CYSTM1: variants seen among roughly 807,000 people sequenced by gnomAD.
CYSTM1 encodes cysteine rich transmembrane module containing 1.
CYSTM1 carries 4 observed loss-of-function variants against 13.1 expected under a neutral mutation model. The ratio of observed to expected loss-of-function variants is 0.31; its 90% confidence interval spans 0.15 to 0.70. The LOEUF is 0.70. Among genes scored for constraint, CYSTM1 ranks in the 30% least tolerant of loss-of-function variants. CYSTM1 has a pLI of 0.72. For missense variants in CYSTM1, 96 were observed against 121.6 expected, an observed-to-expected ratio of 0.79 and a Z score of 0.99; for synonymous variants, 36 against 42.7, an observed-to-expected ratio of 0.84 and a Z score of 0.62.
At position 140,219,127 on chromosome 5, in the gene CYSTM1, G is replaced by A. The variant is rs781313585; in HGVS notation, c.188-24178G>A. 5.3e-5 allele frequency among the ~76,000 whole-genome samples: 8 copies of A among 152,048 alleles called. No homozygotes were observed. Among genetic ancestry groups the A allele is most frequent in the African/African-American group, 7.2e-5 (3 of 41,400 alleles). Reference sequence around the variant, plus strand: ...CAGGGCCAGAGTCCTAGTTACAGTCGTACAAGCCAGGCCACCACTTCTGTC... The same window carrying A: ...CAGGGCCAGAGTCCTAGTTACAGTCATACAAGCCAGGCCACCACTTCTGTC... On this transcript the variant is annotated intron_variant, in intron 2 of 2. Transcript: ENST00000261811. The surrounding 1 kb of genome is among the most constrained non-coding windows in gnomAD (Gnocchi z 4.1).
At chr5:140,224,894 G>T (rs1266239747) in intron 2 of CYSTM1, among the ~76,000 whole-genome samples, 1 of 152,168 alleles carries the variant, frequency 6.6e-6, no homozygotes. Flanking sequence ...CTTCAAGATG[G>T]TGTCATACCA....
At chr5:140,222,506 AT>A (rs1764503621) in intron 2 of CYSTM1, among the ~76,000 whole-genome samples, 1 of 152,180 alleles carries the variant, frequency 6.6e-6, no homozygotes, top group Non-Finnish European at 1.5e-5. Context: ...CTCTGTGTTA[AT>A]TTCTTCCTAG....
At position 140,243,285 on chromosome 5, in the gene CYSTM1, C is replaced by A. The variant is rs2126674901; in HGVS notation, c.188-20C>A. 1.2e-6 allele frequency: 2 copies of A among 1,609,332 alleles called. No individual in the cohort carries two copies. The highest frequency in any genetic ancestry group is 4.5e-5 in the East Asian group (2 of 44,858). ...GTTTGCACCAGTCCATTCTCACCCT[C>A]TTCCCTCTTCTCCCTCCAGTGTATG... is the stretch of plus-strand genomic sequence containing the variant. On this transcript the variant is annotated intron_variant, in intron 2 of 2. Transcript: ENST00000261811.
chr5:140,188,046 T>C (rs1426046414), intron 1 of CYSTM1, among the ~76,000 whole-genome samples: 3 of 151,788 alleles, frequency 2.0e-5, no homozygotes, highest in Non-Finnish European at 4.4e-5. Flanking sequence ...AAGTGGCATT[T>C]TAAAAAATAT....
intron 2 of CYSTM1, among the ~76,000 whole-genome samples, chr5:140,212,022 A>T (rs1374358706): frequency 6.6e-6 from 1 of 152,128 alleles, no homozygotes; most frequent in Non-Finnish European, 1.5e-5. Flanking sequence ...TTCTAATTAG[A>T]TTTTATTTAG....
intron 2 of CYSTM1, among the ~76,000 whole-genome samples, chr5:140,236,489 A>C (rs1197015114): frequency 6.6e-6 from 1 of 152,260 alleles, no homozygotes; most frequent in Non-Finnish European, 1.5e-5. Flanking sequence ...TATGAAAAAT[A>C]GCATTTGAAA....
At chr5:140,218,226 C>G (rs1581068444) in intron 2 of CYSTM1, among the ~76,000 whole-genome samples, 1 of 152,254 alleles carries the variant, frequency 6.6e-6, no homozygotes, top group East Asian at 1.9e-4. Flanking sequence ...AAACAGACAT[C>G]TCTTTTTTTT....
At chr5:140,197,859 T>A (rs1435590506) in intron 2 of CYSTM1, among the ~76,000 whole-genome samples, 1 of 152,194 alleles carries the variant, frequency 6.6e-6, no homozygotes, top group Admixed American at 6.5e-5. Flanking sequence ...TGGTAATTAG[T>A]TAGGGCTTAA....
At chr5:140,192,984 C>G (rs1002897418) in intron 1 of CYSTM1, among the ~76,000 whole-genome samples, 3 of 152,166 alleles carry the variant, frequency 2.0e-5, no homozygotes, top group African/African-American at 7.2e-5. Flanking sequence ...CTACTGTAAT[C>G]CAGATTTTCT....
chr5:140,234,362 T>A (rs1764652633), intron 2 of CYSTM1, among the ~76,000 whole-genome samples: 1 of 152,250 alleles, frequency 6.6e-6, no homozygotes. Flanking sequence ...TAGCTTTATG[T>A]TAAATCTTCA....
At chr5:140,186,517 A>G (rs1764016903) in intron 1 of CYSTM1, among the ~76,000 whole-genome samples, 1 of 152,216 alleles carries the variant, frequency 6.6e-6, no homozygotes, top group Non-Finnish European at 1.5e-5. Context: ...CATCACTTCT[A>G]TTAGAATCTT....
intron 1 of CYSTM1, among the ~76,000 whole-genome samples, chr5:140,189,788 TC>T (rs1325064537): frequency 1.3e-5 from 2 of 152,180 alleles, no homozygotes; most frequent in African/African-American, 4.8e-5. Flanking sequence ...TTGTTTCACT[TC>T]TATATATATA....
intron 2 of CYSTM1, among the ~76,000 whole-genome samples, chr5:140,207,630 C>T (rs1353203698): frequency 1.3e-5 from 2 of 152,188 alleles, no homozygotes; most frequent in East Asian, 1.9e-4. Context: ...TTCTTAAAGA[C>T]CAGCATTCCA....
chr5:140,175,622 G>A lies in CYSTM1; in HGVS notation c.-21+337G>A, dbSNP rs547055112. On this transcript the variant is annotated intron_variant, in intron 1 of 2. Transcript: ENST00000261811. The surrounding 1 kb of genome is among the most constrained non-coding windows in gnomAD (Gnocchi z 4.9). ...CTCGGAGCGGGGCTCGCCACACCCC[G>A]TCCCGGGGGACGTCCGCGGGAGGCT... Among the ~76,000 whole-genome samples, 3 of 152,362 alleles carry A rather than the reference G, an allele frequency of 2.0e-5. No homozygotes were observed. The highest frequency in any genetic ancestry group is 2.0e-4 in the Admixed American group (3 of 15,312).
chr5:140,235,111 C>T (rs916550955), intron 2 of CYSTM1, among the ~76,000 whole-genome samples: 17 of 151,794 alleles, frequency 1.1e-4, no homozygotes, highest in African/African-American at 2.9e-4. Flanking sequence ...GGATTACAGG[C>T]GCCCGCCACC....
intron 2 of CYSTM1, among the ~76,000 whole-genome samples, chr5:140,207,160 T>C (rs1200769808): frequency 2.6e-5 from 4 of 152,106 alleles, no homozygotes; most frequent in Non-Finnish European, 5.9e-5. Flanking sequence ...AGCAAGTGGG[T>C]CTGGACACAT....
At chr5:140,204,085 G>A (rs1764260920) in intron 2 of CYSTM1, among the ~76,000 whole-genome samples, 1 of 152,064 alleles carries the variant, frequency 6.6e-6, no homozygotes, top group East Asian at 1.9e-4. Flanking sequence ...TAAGTTTCCT[G>A]CCAGGTGCAG....
intron 1 of CYSTM1, 72 bp from the exon 2 acceptor site, chr5:140,194,374 A>G: frequency 7.3e-7 from 1 of 1,374,704 alleles, no homozygotes; most frequent in African/African-American, 1.5e-5. Flanking sequence ...AAATGATCTT[A>G]TGGGTTAGGA....
At chr5:140,176,331 GTGCCTTTTTCAGCCAT>G (rs1430534658) in intron 1 of CYSTM1, among the ~76,000 whole-genome samples, 1 of 152,148 alleles carries the variant, frequency 6.6e-6, no homozygotes, top group African/African-American at 2.4e-5. Flanking sequence ...AGGCAGCCAG[GTGCCTTTTTCAGCCAT>G]TGTTGGCAAA....
Sources: allele counts gnomAD v4.1 joint callset (sites outside exome capture counted in the v4.1 genomes callset), GRCh38; gene constraint gnomAD v4.1.1; non-coding constraint Gnocchi (gnomAD v3.1); transcripts MANE v1.5; gene names NCBI Gene and HGNC (gene_info 2026-07-23, HGNC 2026-07-21).